The following CNTNAP3B variants were observed in gnomAD, a reference collection of about 807,000 sequenced individuals.
CNTNAP3B encodes the protein contactin-associated protein-like 3B.
CNTNAP3B carries 25 observed loss-of-function variants against 108.9 expected under a neutral mutation model. The observed-to-expected ratio is 0.23, with a 90% CI of 0.17 to 0.32. The LOEUF is 0.32. Ranked by LOEUF, CNTNAP3B falls within the 10% of genes least tolerant of loss-of-function variation. The pLI, the probability that CNTNAP3B is intolerant of heterozygous loss-of-function variation, is 1.00. For synonymous variants in CNTNAP3B, 103 were observed against 473.4 expected, an observed-to-expected ratio of 0.22 and a Z score of 10.16; for missense variants, 252 against 1,210.4, an observed-to-expected ratio of 0.21 and a Z score of 11.75.
chr9:41,944,697 T>G (rs1335307233), intron 13 of CNTNAP3B, among the ~76,000 whole-genome samples: 1 of 151,852 alleles, frequency 6.6e-6, no homozygotes, highest in African/African-American at 2.4e-5. Context: ...GTATCAATAA[T>G]CACTTTAAAT....
chr9:41,969,434 G>T lies in CNTNAP3B; in HGVS notation c.1649+640C>A, dbSNP rs1825377496. 2.0e-5 allele frequency among the ~76,000 whole-genome samples: 3 copies of T among 146,790 alleles called. No homozygotes were observed. In the South Asian group the frequency reaches 6.6e-4, roughly 32 times the overall value. On this transcript the variant is annotated intron_variant, in intron 10 of 23. Transcript: ENST00000377561. ...TGTGGGGTTGGGTGGCTGATGAATA[G>T]TAACCTGGCAAATTCCTCTGCCTGG...
chr9:41,990,214 T>A lies in CNTNAP3B; in HGVS notation c.1333+1396A>T, dbSNP rs1825780688. ...GTTGGTAGGCAATTTTATCTGTACT[T>A]ATTTCCCTAACACTGGTTCTCTCAT... is the stretch of plus-strand genomic sequence containing the variant. On this transcript the variant is annotated intron_variant, in intron 8 of 23. Transcript: ENST00000377561. Among the ~76,000 whole-genome samples, 2 of 138,256 alleles carry A rather than the reference T, an allele frequency of 1.4e-5. 1 individual carries two copies. The highest frequency in any genetic ancestry group is 1.4e-4 in the Admixed American group (2 of 13,826). 90.7% of individuals were successfully genotyped at this position (138,256 alleles called of 152,430 possible).
chr9:42,108,502 G>T (rs1267636382), intron 1 of CNTNAP3B, among the ~76,000 whole-genome samples: 2 of 134,008 alleles, frequency 1.5e-5, no homozygotes, highest in Non-Finnish European at 3.2e-5. Flanking sequence ...TTGAAGAAGA[G>T]AAGCATTTGG....
intron 15 of CNTNAP3B, among the ~76,000 whole-genome samples, chr9:41,925,887 C>T (rs545526086): frequency 1.3e-3 from 192 of 152,298 alleles, no homozygotes; most frequent in African/African-American, 4.3e-3. Flanking sequence ...TTCAAGGAGT[C>T]GTGGTTTCTT....
intron 3 of CNTNAP3B, among the ~76,000 whole-genome samples, chr9:42,018,861 C>T (rs1250422089): frequency 2.0e-5 from 3 of 151,652 alleles, no homozygotes; most frequent in Non-Finnish European, 4.4e-5. Context: ...GAATGATGAT[C>T]CGGACTCACA....
chr9:42,110,683 AG>A (rs1828177910), intron 1 of CNTNAP3B, among the ~76,000 whole-genome samples: 1 of 137,952 alleles, frequency 7.2e-6, no homozygotes. Flanking sequence ...CAAACAGGGA[AG>A]GGGGTGCCCA....
chr9:42,034,253 CCATGTGGAA>C (rs1826582273), intron 3 of CNTNAP3B, among the ~76,000 whole-genome samples: 1 of 122,570 alleles, frequency 8.2e-6, no homozygotes. Flanking sequence ...TTAGAGTGAA[CCATGTGGAA>C]CTTCCAACCC....
intron 3 of CNTNAP3B, among the ~76,000 whole-genome samples, chr9:42,016,710 C>G (rs1246225713): frequency 6.6e-6 from 1 of 151,924 alleles, no homozygotes. Context: ...TGAGAGTATA[C>G]AGAATAGTTT....
Position 41,986,283 on chromosome 9 carries a change from G to A in CNTNAP3B, c.1362C>T (p.His454=), listed in dbSNP as rs763281451. The change falls in exon 9 of 24, where the codon CAC becomes CAT. Residue 454 remains histidine (H), a synonymous_variant. Transcript: ENST00000377561. ...AGAGLNDGQW[H]SVSFSAKWSH... is the part of the protein sequence containing the mutation. ...TCCACTTGGCAGAGAAGGATACAGA[G>A]TGCCACTGCCCATCGTTTAATCCAG... is the stretch of plus-strand genomic sequence containing the variant. The A allele has an allele frequency of 1.2e-5, 13 of 1,095,420 alleles. 4 individuals are homozygous for A. Among genetic ancestry groups the A allele is most frequent in the South Asian group, 1.4e-5 (1 of 69,138 alleles). The allele number at this position is 1,095,420 out of a possible 1,614,324, so 67.9% of individuals were successfully genotyped here.
chr9:42,124,447 C>A (rs1828524523), intron 1 of CNTNAP3B, among the ~76,000 whole-genome samples: 1 of 137,214 alleles, frequency 7.3e-6, no homozygotes, highest in African/African-American at 2.9e-5. Context: ...TATATGAATT[C>A]CTTGACAAAA....
chr9:42,119,162 ACAAG>A (rs1248745950), intron 1 of CNTNAP3B, among the ~76,000 whole-genome samples: 3 of 98,512 alleles, frequency 3.0e-5, no homozygotes, highest in Non-Finnish European at 6.1e-5. Flanking sequence ...TGCAAAAATC[ACAAG>A]CATTCTTATA....
rs1339123524 is a variant in CNTNAP3B, at chr9:42,118,435, A to C, written c.85+10575T>G. On this transcript the variant is annotated intron_variant, in intron 1 of 23. Transcript: ENST00000377561. ...AACCAATGACAAAAACCTCATGATT[A>C]TCTCAATAGATGCAGAAAAGGCCTT... Among the ~76,000 whole-genome samples, 14 of 138,734 alleles carry C rather than the reference A, an allele frequency of 1.0e-4. 3 individuals carry two copies. The highest frequency in any genetic ancestry group is 2.6e-4 in the African/African-American group (9 of 34,928). The allele number at this position is 138,734 out of a possible 152,430, so 91.0% of individuals were successfully genotyped here. A position where few individuals can be genotyped will look rare whatever the true frequency, so the allele number is the denominator to read the frequency against.
At chr9:41,968,612 C>A (rs1469737728) in intron 10 of CNTNAP3B, among the ~76,000 whole-genome samples, 1 of 143,268 alleles carries the variant, frequency 7.0e-6, no homozygotes. Flanking sequence ...TAAATAAAGT[C>A]CATATGAATG....
intron 12 of CNTNAP3B, among the ~76,000 whole-genome samples, chr9:41,956,168 C>T (rs549120534): frequency 3.9e-4 from 59 of 152,292 alleles, no homozygotes; most frequent in African/African-American, 1.3e-3. Context: ...AGGCGGATTA[C>T]GAGGTCAGGA....
At chr9:41,934,861 T>C (rs1225520544) in intron 14 of CNTNAP3B, among the ~76,000 whole-genome samples, 34 of 152,410 alleles carry the variant, frequency 2.2e-4, no homozygotes, top group African/African-American at 7.7e-4. Context: ...CTAGTATGCA[T>C]TTAAACCATC....
chr9:42,128,496 T>C (rs1250645888), intron 1 of CNTNAP3B, among the ~76,000 whole-genome samples: 1 of 137,704 alleles, frequency 7.3e-6, no homozygotes, highest in African/African-American at 2.9e-5. Context: ...GGCAGGTTAT[T>C]AATTTAGTTT....
At chr9:42,055,244 A>G (rs1353423688) in intron 3 of CNTNAP3B, among the ~76,000 whole-genome samples, 1 of 138,492 alleles carries the variant, frequency 7.2e-6, no homozygotes, top group Non-Finnish European at 1.5e-5. Context: ...AAAAAATGCT[A>G]TGATTTTTCT....
Position 42,083,216 on chromosome 9 carries a change from A to G in CNTNAP3B, c.197-6154T>C. On this transcript the variant is annotated intron_variant, in intron 2 of 23. Transcript: ENST00000377561. Reference sequence around the variant, plus strand: ...AATCTAGTAAAACTGAATGAAATAGATAAATCCACAATGACAGTAGGAGAT... The same window carrying G: ...AATCTAGTAAAACTGAATGAAATAGGTAAATCCACAATGACAGTAGGAGAT... Among the ~76,000 whole-genome samples, 4 of 94,004 alleles carry G rather than the reference A, an allele frequency of 4.3e-5. 1 individual carries two copies. In the Middle Eastern group the frequency reaches 0.017, roughly 409 times the overall value. 61.7% of individuals were successfully genotyped at this position (94,004 alleles called of 152,430 possible). A position where few individuals can be genotyped will look rare whatever the true frequency, so the allele number is the denominator to read the frequency against.
intron 3 of CNTNAP3B, among the ~76,000 whole-genome samples, chr9:42,047,611 C>CT (rs1826897237): frequency 1.1e-4 from 2 of 18,214 alleles, no homozygotes; most frequent in African/African-American, 4.3e-4. Flanking sequence ...CCCTCCCTCC[C>CT]CCACTACCCT....
Sources: allele counts gnomAD v4.1 joint callset (sites outside exome capture counted in the v4.1 genomes callset), GRCh38; gene constraint gnomAD v4.1.1; transcripts MANE v1.5; gene names NCBI Gene and HGNC (gene_info 2026-07-23, HGNC 2026-07-21).